Variants in EBF1 observed in about 807,000 individuals in gnomAD.
The protein encoded by EBF1 is transcription factor COE1.
Under a neutral mutation model 68.4 loss-of-function variants are expected in EBF1, and 10 were observed. The ratio of observed to expected loss-of-function variants is 0.15; its 90% CI spans 0.09 to 0.25. EBF1 has a LOEUF of 0.25. Ranked by LOEUF, EBF1 falls within the 10% of genes least tolerant of loss-of-function variation. EBF1 has a pLI of 1.00. For synonymous variants in EBF1, 298 were observed against 299.8 expected, an observed-to-expected ratio of 0.99 and a Z score of 0.06; for missense variants, 509 against 794.4, an observed-to-expected ratio of 0.64 and a Z score of 4.32.
In EBF1 at chr5:158,941,966, T is replaced by C. The variant is rs567784601; in HGVS notation, c.555-101856A>G. On this transcript the variant is annotated intron_variant, in intron 6 of 15. Transcript: ENST00000313708. ...TGTGAATAGTTTCCCAGCTGATATG[T>C]CTTTAGTAGTTTTCTGAGGAAACAA... Among the ~76,000 whole-genome samples the C allele has an allele frequency of 4.6e-5, 7 of 152,370 alleles. No individual in the cohort carries two copies. In the East Asian group the frequency reaches 1.3e-3, roughly 29 times the overall value.
intron 6 of EBF1, among the ~76,000 whole-genome samples, chr5:159,011,691 C>T (rs1441271485): frequency 2.0e-5 from 3 of 152,172 alleles, no homozygotes; most frequent in Non-Finnish European, 4.4e-5. Context: ...CCCCCCTTCT[C>T]TGACTGCTGC....
intron 10 of EBF1, among the ~76,000 whole-genome samples, chr5:158,771,786 C>T (rs1193240432): frequency 6.6e-6 from 1 of 152,148 alleles, no homozygotes; most frequent in African/African-American, 2.4e-5. Context: ...GTCAGTCCGA[C>T]TGACTCATTT....
intron 6 of EBF1, among the ~76,000 whole-genome samples, chr5:158,988,083 T>C (rs369226855): frequency 1.3e-5 from 2 of 152,312 alleles, no homozygotes; most frequent in East Asian, 1.9e-4. Context: ...GCACATTATC[T>C]GGAACATAGT....
intron 5 of EBF1, among the ~76,000 whole-genome samples, chr5:159,083,376 T>A (rs985651463): frequency 1.3e-5 from 2 of 152,242 alleles, no homozygotes; most frequent in Non-Finnish European, 2.9e-5. Context: ...TAAAGAAATC[T>A]ATTGCCATAT....
At chr5:159,074,094 G>T (rs1778304805) in intron 5 of EBF1, among the ~76,000 whole-genome samples, 2 of 152,134 alleles carry the variant, frequency 1.3e-5, no homozygotes, top group South Asian at 4.1e-4. Context: ...CATTCCTCTG[G>T]CTATAAAAGC....
chr5:158,951,725 A>T (rs1006781332), intron 6 of EBF1, among the ~76,000 whole-genome samples: 1 of 152,350 alleles, frequency 6.6e-6, no homozygotes, highest in African/African-American at 2.4e-5. Context: ...CAAGAGGGTG[A>T]TAATGACAAA....
intron 7 of EBF1, among the ~76,000 whole-genome samples, chr5:158,825,079 T>G (rs1044338026): frequency 2.6e-5 from 4 of 152,194 alleles, no homozygotes; most frequent in Non-Finnish European, 5.9e-5. Flanking sequence ...CATGTAAGTT[T>G]GATGCAGAAG....
At chr5:158,856,561 T>C (rs953713757) in intron 6 of EBF1, among the ~76,000 whole-genome samples, 16 of 152,222 alleles carry the variant, frequency 1.1e-4, no homozygotes, top group African/African-American at 3.9e-4. Context: ...GTAGCCTAAC[T>C]GAATACTTTA....
At chr5:159,075,375 G>A in intron 5 of EBF1, among the ~76,000 whole-genome samples, 1 of 152,176 alleles carries the variant, frequency 6.6e-6, no homozygotes, top group East Asian at 1.9e-4. Context: ...CCCATCGACA[G>A]AGCCCACGTC....
intron 6 of EBF1, among the ~76,000 whole-genome samples, chr5:158,979,737 A>C (rs1425057087): frequency 6.6e-6 from 1 of 152,124 alleles, no homozygotes; most frequent in East Asian, 1.9e-4. Context: ...CTTTTTCTAA[A>C]GCAAAAATTT....
At chr5:158,825,697 T>C (rs1250895362) in intron 7 of EBF1, among the ~76,000 whole-genome samples, 3 of 152,136 alleles carry the variant, frequency 2.0e-5, no homozygotes, top group Non-Finnish European at 4.4e-5. Context: ...GGGCCACATG[T>C]GTGATAGAAT....
chr5:158,725,612 C>T (rs1762829587), intron 11 of EBF1, among the ~76,000 whole-genome samples: 2 of 152,190 alleles, frequency 1.3e-5, no homozygotes, highest in Non-Finnish European at 2.9e-5. Flanking sequence ...GCTCATCTGG[C>T]AGTTAAAATG....
At chr5:159,000,129 G>A (rs745407770) in intron 6 of EBF1, among the ~76,000 whole-genome samples, 22 of 152,074 alleles carry the variant, frequency 1.4e-4, no homozygotes, top group African/African-American at 3.4e-4. Flanking sequence ...ATGCCAAACC[G>A]TACTCACTAA....
intron 6 of EBF1, among the ~76,000 whole-genome samples, chr5:158,966,950 C>G (rs1754289141): frequency 6.6e-6 from 1 of 152,162 alleles, no homozygotes; most frequent in Non-Finnish European, 1.5e-5. Flanking sequence ...GGGCAGATGT[C>G]AAGTATATGA....
In EBF1 at chr5:158,863,967, C is replaced by T. The variant is rs531252066; in HGVS notation, c.555-23857G>A. Reference sequence around the variant, plus strand: ...AACTCAGGGGCCAGGTGTGGTGGCTCATGCCTATAATTCCAGCATTTTGGG... The same window carrying T: ...AACTCAGGGGCCAGGTGTGGTGGCTTATGCCTATAATTCCAGCATTTTGGG... On this transcript the variant is annotated intron_variant, in intron 6 of 15. Coordinates refer to ENST00000313708, the MANE Select transcript of EBF1 (RefSeq NM_024007.5). 4.0e-5 allele frequency among the ~76,000 whole-genome samples: 6 copies of T among 150,806 alleles called. No homozygotes were observed. The South Asian group carries it at 8.4e-4, about 21-fold the overall frequency.
chr5:159,007,417 T>C (rs2127667734), intron 6 of EBF1, among the ~76,000 whole-genome samples: 1 of 152,334 alleles, frequency 6.6e-6, no homozygotes, highest in Middle Eastern at 3.4e-3. Context: ...GATGACTGTT[T>C]ATATGTTAAA....
intron 6 of EBF1, among the ~76,000 whole-genome samples, chr5:158,954,541 G>A (rs746126801): frequency 3.3e-5 from 5 of 152,226 alleles, no homozygotes; most frequent in Non-Finnish European, 7.3e-5. Flanking sequence ...AGCAAGAGAG[G>A]GTTTGGTATT....
intron 15 of EBF1, among the ~76,000 whole-genome samples, chr5:158,700,801 A>C (rs1561667906): frequency 6.6e-6 from 1 of 152,176 alleles, no homozygotes; most frequent in Non-Finnish European, 1.5e-5. Context: ...TTGCAGCCCA[A>C]AAGCTCCTGG....
chr5:159,052,532 TC>T (rs1773964903), intron 6 of EBF1, among the ~76,000 whole-genome samples: 1 of 152,204 alleles, frequency 6.6e-6, no homozygotes, highest in South Asian at 2.1e-4. Context: ...CCACAGCCTG[TC>T]AAGATGATCC....
Sources: gnomAD v4.1 joint callset for allele counts (sites outside exome capture counted in the v4.1 genomes callset) on GRCh38, gnomAD v4.1.1 for gene constraint, MANE v1.5 for transcripts, NCBI Gene and HGNC (gene_info 2026-07-23, HGNC 2026-07-21) for gene names.